Variants in CPT2 observed in about 807,000 individuals in gnomAD.
CPT2 encodes the protein carnitine palmitoyltransferase 2, also known as carnitine O-palmitoyltransferase 2, mitochondrial.
Under a neutral mutation model 48.6 loss-of-function variants are expected in CPT2, and 37 were observed. That is an observed-to-expected ratio of 0.76 (90% confidence interval 0.59 to 1.00). CPT2 has a LOEUF of 1.00. Among genes scored for constraint, CPT2 ranks in the 50% least tolerant of loss-of-function variants. The pLI is 0.00. For synonymous variants in CPT2, 319 were observed against 326.9 expected, an observed-to-expected ratio of 0.98 and a Z score of 0.26; for missense variants, 772 against 825.6, an observed-to-expected ratio of 0.94 and a Z score of 0.80.
intron 1 of CPT2, chr1:53,199,841 G>A (rs1645344496): frequency 6.6e-6 from 1 of 152,122 alleles, no homozygotes; most frequent in South Asian, 2.1e-4. Flanking sequence ...CTTATATTAG[G>A]CTTTTAAACT....
chr1:53,196,978 G>A lies in CPT2; in HGVS notation c.35G>A (p.Arg12Gln), dbSNP rs1044059386. 23 of 1,526,986 alleles carry A rather than the reference G, an allele frequency of 1.5e-5. No individual in the cohort carries two copies. Among genetic ancestry groups the A allele is most frequent in the Non-Finnish European group, 1.9e-5 (22 of 1,143,602 alleles). The allele number at this position is 1,526,986 out of a possible 1,614,324, so 94.6% of individuals were successfully genotyped here. ...CGCCTGCTGCTGCGCGCCTGGCCCCGGGGCCCCGCGGTTGGTCCGGGAGCC... is the reference window on the plus strand; with the variant it reads ...CGCCTGCTGCTGCGCGCCTGGCCCCAGGGCCCCGCGGTTGGTCCGGGAGCC... ...VPRLLLRAWP[R>Q]GPAVGPGAPS... The change falls in exon 1 of 5, where the codon CGG (arginine) becomes CAG (glutamine). Residue 12 changes from arginine to glutamine, a missense_variant. Coordinates refer to ENST00000371486, the MANE Select transcript of CPT2 (RefSeq NM_000098.3).
At chr1:53,206,945 CA>C (rs1411498026) in intron 3 of CPT2, among the ~76,000 whole-genome samples, 2 of 152,202 alleles carry the variant, frequency 1.3e-5, no homozygotes, top group Non-Finnish European at 2.9e-5. Context: ...TCTGTGTCTC[CA>C]ACCAAATCTG....
Position 53,210,890 on chromosome 1 carries a change from A to G in CPT2, c.1216A>G (p.Thr406Ala), listed in dbSNP as rs1426812563. The change falls in exon 4 of 5, where the codon ACT becomes GCT. Residue 406 changes from threonine (T) to alanine (A), a missense_variant. By Grantham distance (58) the Thr-to-Ala change is moderately conservative (BLOSUM62 0). Transcript: ENST00000371486. ...CACTCCACAGAGCCAGCCAGCTACCACTGACTCTACTGTCACGGTGCAGAA... is the reference window on the plus strand; with the variant it reads ...CACTCCACAGAGCCAGCCAGCTACCGCTGACTCTACTGTCACGGTGCAGAA... ...AVTPQSQPAT[T>A]DSTVTVQKLN... 6.2e-7 allele frequency: 1 copy of G among 1,614,078 alleles called. No homozygotes were observed.
chr1:53,209,567 G>A, intron 3 of CPT2: 1 of 210,958 alleles, frequency 4.7e-6, no homozygotes, highest in South Asian at 7.2e-5. Flanking sequence ...CCTGAGGTCA[G>A]GAGTTTGAGA....
intron 3 of CPT2, among the ~76,000 whole-genome samples, chr1:53,206,848 G>C (rs1356973466): frequency 6.6e-6 from 1 of 152,202 alleles, no homozygotes; most frequent in Non-Finnish European, 1.5e-5. Context: ...AGACTCTGGG[G>C]CACTGTTGGG....
chr1:53,211,827 G>A (rs1645430550), intron 4 of CPT2, among the ~76,000 whole-genome samples: 1 of 151,820 alleles, frequency 6.6e-6, no homozygotes, highest in Non-Finnish European at 1.5e-5. Context: ...TTGAACTCCT[G>A]ACCTCAGGTG....
Position 53,210,506 on chromosome 1 carries a change from T to C in CPT2, c.832T>C (p.Ser278Pro). 6.2e-7 allele frequency: 1 copy of C among 1,614,080 alleles called. No individual in the cohort carries two copies. Among genetic ancestry groups the C allele is most frequent in the Non-Finnish European group, 8.5e-7 (1 of 1,180,026 alleles). ...CCAGGCACATCTGAAGTACATTCTCTCAGACAGCAGCCCCGCCCCCGAGTT... is the reference window on the plus strand; with the variant it reads ...CCAGGCACATCTGAAGTACATTCTCCCAGACAGCAGCCCCGCCCCCGAGTT... The part of the protein sequence containing the change: ...EIQAHLKYIL[S>P]DSSPAPEFPL... Residue 278 changes from serine (S) to proline (P), a missense_variant, in exon 4 of 5, where the codon TCA (serine) becomes CCA (proline). By Grantham distance (74) the Ser-to-Pro change is moderately conservative (BLOSUM62 -1). Transcript: ENST00000371486.
chr1:53,207,017 C>G (rs1445234755), intron 3 of CPT2, among the ~76,000 whole-genome samples: 1 of 152,152 alleles, frequency 6.6e-6, no homozygotes, highest in Non-Finnish European at 1.5e-5. Context: ...GTGATTGGAT[C>G]ATGGGGTAGT....
intron 3 of CPT2, among the ~76,000 whole-genome samples, chr1:53,205,979 G>A (rs1215435983): frequency 1.3e-5 from 2 of 152,088 alleles, no homozygotes; most frequent in African/African-American, 4.8e-5. Flanking sequence ...TCAGGAGATC[G>A]AGACCATCCT....
Position 53,210,214 on chromosome 1 carries a change from TGCAAAAAGTGACACTATC to T in CPT2, c.541_558del (p.Ala181_Ile186del), listed in dbSNP as rs775776515. 3.1e-5 allele frequency: 50 copies of T among 1,614,078 alleles called. No homozygotes were observed. The highest frequency in any genetic ancestry group is 4.0e-5 in the African/African-American group (3 of 74,936). ...AGCCAGAAGTGTTCCACTTGAACCC[TGCAAAAAGTGACACTATC>T]ACCTTCAAGAGACTCATACGCTTTG... On this transcript the variant is annotated inframe_deletion, in exon 4 of 5. Coordinates refer to ENST00000371486, the MANE Select transcript of CPT2 (RefSeq NM_000098.3).
At position 53,210,438 on chromosome 1, in the gene CPT2, A is replaced by T; in HGVS notation, c.764A>T (p.Asp255Val). Residue 255 changes from aspartate (D) to valine (V), a missense_variant, in exon 4 of 5, where the codon GAT becomes GTT. Physicochemically the swap from Asp to Val is radical, Grantham distance 152 (BLOSUM62 -3). Coordinates refer to ENST00000371486, the MANE Select transcript of CPT2 (RefSeq NM_000098.3). ...AGGAAAGGAAATTTTTATATCTTTG[A>T]TGTCCTGGATCAAGATGGGAACATT... ...VLRKGNFYIFDVLDQDGNIVS... is the reference protein window; with the variant it reads ...VLRKGNFYIFVVLDQDGNIVS... 1 of 1,614,130 alleles carries T rather than the reference A, an allele frequency of 6.2e-7. No homozygotes were observed. Among genetic ancestry groups the T allele is most frequent in the Non-Finnish European group, 8.5e-7 (1 of 1,180,038 alleles).
Position 53,213,604 on chromosome 1 carries a change from C to A in CPT2, c.*9C>A. ...AATCCATCAAAAGTTAACTTCTGGG[C>A]AGATGAAAAGCTACCATCACTTCCT... On this transcript the variant is annotated 3_prime_UTR_variant, in exon 5 of 5. Coordinates refer to ENST00000371486, the MANE Select transcript of CPT2 (RefSeq NM_000098.3). 1 of 1,609,788 alleles carries A rather than the reference C, an allele frequency of 6.2e-7. No homozygotes were observed. Among genetic ancestry groups the A allele is most frequent in the Non-Finnish European group, 8.5e-7 (1 of 1,177,984 alleles).
Position 53,196,936 on chromosome 1 carries a change from C to A in CPT2, c.-8C>A, listed in dbSNP as rs1645324609. On this transcript the variant is annotated 5_prime_UTR_variant, in exon 1 of 5. Transcript: ENST00000371486. ...GCCGCGTTCTCGCCGCCGCAGGCTC[C>A]CGGGACGATGGTGCCCCGCCTGCTG... is the stretch of plus-strand genomic sequence containing the variant. 1 of 1,544,900 alleles carries A rather than the reference C, an allele frequency of 6.5e-7. No homozygotes were observed. Among genetic ancestry groups the A allele is most frequent in the East Asian group, 2.5e-5 (1 of 40,192 alleles).
chr1:53,205,351 T>C (rs1472240434), intron 3 of CPT2, among the ~76,000 whole-genome samples: 1 of 152,142 alleles, frequency 6.6e-6, no homozygotes, highest in Non-Finnish European at 1.5e-5. Flanking sequence ...TGATTTAGGG[T>C]GTCTGACAGA....
In CPT2 at chr1:53,210,902, G is replaced by A. The variant is rs746567260; in HGVS notation, c.1228G>A (p.Val410Ile). 24 of 1,614,060 alleles carry A rather than the reference G, an allele frequency of 1.5e-5. No homozygotes were observed. The highest frequency in any genetic ancestry group is 1.9e-5 in the Non-Finnish European group (23 of 1,180,032). The change falls in exon 4 of 5, where the codon GTC becomes ATC. Residue 410 changes from valine (V) to isoleucine (I), a missense_variant. Val to Ile is a conservative substitution (Grantham distance 29). Transcript: ENST00000371486. ...CCAGCCAGCTACCACTGACTCTACTGTCACGGTGCAGAAACTCAACTTCGA... is the reference window on the plus strand; with the variant it reads ...CCAGCCAGCTACCACTGACTCTACTATCACGGTGCAGAAACTCAACTTCGA... Reference protein sequence around the residue: ...QSQPATTDSTVTVQKLNFELT... With the variant: ...QSQPATTDSTITVQKLNFELT...
chr1:53,211,200 C>CAA lies in CPT2; in HGVS notation c.1528_1529dup (p.Cys512GlyfsTer21), dbSNP rs777066875. On this transcript the variant is annotated frameshift_variant, in exon 4 of 5. Coordinates refer to ENST00000371486, the MANE Select transcript of CPT2 (RefSeq NM_000098.3). LOFTEE classifies it high-confidence loss of function. ...ACCATCCGCCCGGCCTCCGTCTATA[C>CAA]AAAGAGGTGCTCTGAGGCCTTTGTC... is the stretch of plus-strand genomic sequence containing the variant. 6.2e-7 allele frequency: 1 copy of CAA among 1,609,436 alleles called. No homozygotes were observed. Among genetic ancestry groups the CAA allele is most frequent in the Non-Finnish European group, 8.5e-7 (1 of 1,176,964 alleles).
Position 53,210,703 on chromosome 1 carries a change from G to A in CPT2, c.1029G>A (p.Leu343=). The A allele has an allele frequency of 1.2e-6, 2 of 1,614,176 alleles. No individual in the cohort carries two copies. The highest frequency in any genetic ancestry group is 1.7e-6 in the Non-Finnish European group (2 of 1,180,042). The part of the protein sequence containing the change: ...KDLVHLSHNM[L]HGDGTNRWFD... ...TTGTCCACTTGTCCCACAATATGCTGCATGGGGATGGCACAAACCGCTGGT... is the reference window on the plus strand; with the variant it reads ...TTGTCCACTTGTCCCACAATATGCTACATGGGGATGGCACAAACCGCTGGT... Residue 343 remains leucine (L), a synonymous_variant, in exon 4 of 5, where the codon CTG becomes CTA. Transcript: ENST00000371486.
chr1:53,211,747 C>T (rs1048588494), intron 4 of CPT2, among the ~76,000 whole-genome samples: 5 of 151,554 alleles, frequency 3.3e-5, no homozygotes, highest in Admixed American at 6.6e-5. Flanking sequence ...AATAGGCACC[C>T]GCCACTACAC....
intron 3 of CPT2, chr1:53,202,849 T>C (rs185232382): frequency 2.2e-3 from 489 of 222,708 alleles, no homozygotes; most frequent in African/African-American, 0.01. Context: ...TTTCATTCTT[T>C]TGTGCCTTTA....
Sources: allele counts gnomAD v4.1 joint callset (sites outside exome capture counted in the v4.1 genomes callset), GRCh38; gene constraint gnomAD v4.1.1; transcripts MANE v1.5; gene names NCBI Gene and HGNC (gene_info 2026-07-23, HGNC 2026-07-21).